Variants in SLC25A13 observed in about 807,000 individuals in gnomAD.
The protein encoded by SLC25A13 is electrogenic aspartate/glutamate antiporter SLC25A13, mitochondrial.
In SLC25A13, 70 loss-of-function variants were observed where a neutral mutation model predicts 85.5. The ratio of observed to expected loss-of-function variants is 0.82; its 90% CI spans 0.68 to 1.00. The LOEUF (loss-of-function observed/expected upper bound fraction) is 1.00. Ranked by LOEUF, SLC25A13 falls within the 50% of genes least tolerant of loss-of-function variation. The probability of loss-of-function intolerance (pLI) is 0.00; values close to 1 mark genes in which losing one functional copy is unlikely to be tolerated. For synonymous variants in SLC25A13, 259 were observed against 288.7 expected (o/e 0.90, Z 1.04); for missense variants, 765 against 819.8 (o/e 0.93, Z 0.82).
chr7:96,223,766 C>A (rs1371155504), intron 4 of SLC25A13, among the ~76,000 whole-genome samples: 1 of 129,718 alleles, frequency 7.7e-6, no homozygotes, highest in Admixed American at 9.2e-5. Flanking sequence ...CCAGCCGGGG[C>A]AACAGAGCGA....
chr7:96,300,077 TCTC>T (rs942640907), intron 1 of SLC25A13, among the ~76,000 whole-genome samples: 54 of 152,076 alleles, frequency 3.6e-4, no homozygotes, highest in African/African-American at 1.3e-3. Flanking sequence ...TCTCCCAATT[TCTC>T]CTAACAGTGT....
At chr7:96,163,303 C>G (rs1393309464) in intron 13 of SLC25A13, among the ~76,000 whole-genome samples, 1 of 152,108 alleles carries the variant, frequency 6.6e-6, no homozygotes, top group Non-Finnish European at 1.5e-5. Flanking sequence ...TTGAAAAGAC[C>G]AAGCTACACA....
chr7:96,171,361 T>C (rs1187155138), intron 12 of SLC25A13, 111 bp downstream of exon 12: 1 of 946,180 alleles, frequency 1.1e-6, no homozygotes, highest in East Asian at 2.5e-5. Context: ...TGCTTTCAAA[T>C]TAGCTAGCAC....
intron 14 of SLC25A13, among the ~76,000 whole-genome samples, chr7:96,137,051 T>C (rs1044163708): frequency 6.6e-6 from 1 of 152,188 alleles, no homozygotes; most frequent in Non-Finnish European, 1.5e-5. Context: ...ATGTCATGAC[T>C]TGATCCCTTA....
At chr7:96,277,555 G>A (rs1584552525) in intron 2 of SLC25A13, among the ~76,000 whole-genome samples, 2 of 152,098 alleles carry the variant, frequency 1.3e-5, no homozygotes, top group Non-Finnish European at 2.9e-5. Context: ...TTTTCCCACA[G>A]GGACACTTGG....
chr7:96,213,566 C>A (rs931886208), intron 4 of SLC25A13, among the ~76,000 whole-genome samples: 1 of 152,166 alleles, frequency 6.6e-6, no homozygotes, highest in African/African-American at 2.4e-5. Context: ...CGTACCATTC[C>A]CTGACCATTC....
At chr7:96,155,129 G>T (rs923872114) in intron 13 of SLC25A13, among the ~76,000 whole-genome samples, 1 of 152,070 alleles carries the variant, frequency 6.6e-6, no homozygotes, top group Non-Finnish European at 1.5e-5. Flanking sequence ...CTTCCCAGAG[G>T]TCTCATCTTT....
At chr7:96,147,777 G>A (rs1441414016) in intron 13 of SLC25A13, among the ~76,000 whole-genome samples, 2 of 152,154 alleles carry the variant, frequency 1.3e-5, no homozygotes, top group African/African-American at 4.8e-5. Flanking sequence ...GCAGTCAACA[G>A]TGAAAAATGT....
At chr7:96,255,752 G>A in intron 3 of SLC25A13, among the ~76,000 whole-genome samples, 1 of 152,028 alleles carries the variant, frequency 6.6e-6, no homozygotes. Context: ...CAACTCAAAA[G>A]AAGGAAACAT....
intron 15 of SLC25A13, among the ~76,000 whole-genome samples, chr7:96,125,632 C>G (rs1476392387): frequency 6.6e-6 from 1 of 152,236 alleles, no homozygotes; most frequent in East Asian, 1.9e-4. Context: ...TTCCTTATTA[C>G]TTTTCCCTAG....
chr7:96,161,917 G>A (rs7805334), intron 13 of SLC25A13, among the ~76,000 whole-genome samples: 67,601 of 152,012 alleles, frequency 0.44, 15,298 homozygotes, highest in East Asian at 0.6. Context: ...ACAAAAGACT[G>A]TAAAGATACA....
intron 2 of SLC25A13, among the ~76,000 whole-genome samples, chr7:96,291,315 C>G (rs893731434): frequency 6.6e-6 from 1 of 152,146 alleles, no homozygotes; most frequent in African/African-American, 2.4e-5. Flanking sequence ...TAAATGCCCA[C>G]AAGAGAAGCA....
chr7:96,186,450 A>G (rs975303703), intron 9 of SLC25A13, among the ~76,000 whole-genome samples: 1 of 152,186 alleles, frequency 6.6e-6, no homozygotes, highest in Admixed American at 6.5e-5. Context: ...AAGTTAGGAT[A>G]GAAGATAATC....
At chr7:96,160,166 T>A (rs1343015675) in intron 13 of SLC25A13, among the ~76,000 whole-genome samples, 1 of 152,204 alleles carries the variant, frequency 6.6e-6, no homozygotes, top group East Asian at 1.9e-4. Flanking sequence ...TTTCCTATCG[T>A]AACAAACTCC....
chr7:96,255,561 C>T (rs1215413688), intron 3 of SLC25A13, among the ~76,000 whole-genome samples: 1 of 152,124 alleles, frequency 6.6e-6, no homozygotes, highest in East Asian at 1.9e-4. Flanking sequence ...GTGGTGTGTG[C>T]TTGTGGTCCC....
chr7:96,264,344 T>TAC (rs1797967168), intron 3 of SLC25A13, among the ~76,000 whole-genome samples: 1 of 152,202 alleles, frequency 6.6e-6, no homozygotes, highest in South Asian at 2.1e-4. Flanking sequence ...CTATGTAGTA[T>TAC]ACGAATCTCT....
At chr7:96,282,657 ATTAT>A (rs1210201327) in intron 2 of SLC25A13, among the ~76,000 whole-genome samples, 1 of 152,206 alleles carries the variant, frequency 6.6e-6, no homozygotes, top group Admixed American at 6.5e-5. Flanking sequence ...TCTATGCTAA[ATTAT>A]TTAGGGTGAA....
chr7:96,166,670 ACATT>A (rs1469439704), intron 13 of SLC25A13, among the ~76,000 whole-genome samples: 2 of 152,178 alleles, frequency 1.3e-5, no homozygotes, highest in African/African-American at 2.4e-5. Context: ...TGCATTACAT[ACATT>A]ATTTTTTATT....
chr7:96,206,392 GGA>G (rs1795464280), intron 5 of SLC25A13, among the ~76,000 whole-genome samples: 1 of 152,166 alleles, frequency 6.6e-6, no homozygotes, highest in Non-Finnish European at 1.5e-5. Context: ...AGAGCCCAAA[GGA>G]AGCAAACAAA....
Sources: allele counts gnomAD v4.1 joint callset (sites outside exome capture counted in the v4.1 genomes callset), GRCh38; gene constraint gnomAD v4.1.1; transcripts MANE v1.5; gene names NCBI Gene and HGNC (gene_info 2026-07-23, HGNC 2026-07-21).